Variants in DST observed in about 807,000 individuals in gnomAD.
The protein encoded by DST is bullous pemphigoid antigen.
DST carries 253 observed loss-of-function variants against 875.2 expected under a neutral mutation model. The observed-to-expected ratio is 0.29, with a 90% CI of 0.26 to 0.32. The LOEUF (loss-of-function observed/expected upper bound fraction) is 0.32, where lower values mean the gene tolerates loss of function less well. DST is among the 10% of genes least tolerant of loss of function. DST has a pLI of 1.00. For missense variants in DST, 8,287 were observed against 9,111.6 expected, an observed-to-expected ratio of 0.91 and a Z score of 3.68; for synonymous variants, 3,124 against 3,197.1, an observed-to-expected ratio of 0.98 and a Z score of 0.77.
At chr6:56,733,975 G>A (rs918090258) in intron 5 of DST, among the ~76,000 whole-genome samples, 7 of 152,136 alleles carry the variant, frequency 4.6e-5, no homozygotes, top group African/African-American at 1.7e-4. Flanking sequence ...CAGGGAACAC[G>A]TCCCTAGCCT....
At position 56,610,476 on chromosome 6, in the gene DST, T is replaced by G. The variant is rs540084594; in HGVS notation, c.5234A>C (p.Lys1745Thr). The G allele has an allele frequency of 8.3e-5, 130 of 1,568,848 alleles. 1 individual carries two copies. In the South Asian group the frequency reaches 1.5e-3, roughly 18 times the overall value. The change falls in exon 39 of 104, where the codon AAA becomes ACA. Residue 1745 changes from lysine to threonine, a missense_variant. By Grantham distance (78) the Lys-to-Thr change is moderately conservative. Around this residue, in one of 10 missense-constraint regions of DST, gnomAD observed 3,138 missense variants for 3,116.6 expected, o/e 1.01. Transcript: ENST00000680361. ...SYNLLFSESL[K>T]QLQESQTSGD... ...TGAGGTTTGTGATTCTTGTAGCTGTTTCAGAGATTCACTGAATAATAAATT... is the reference window on the plus strand; with the variant it reads ...TGAGGTTTGTGATTCTTGTAGCTGTGTCAGAGATTCACTGAATAATAAATT...
intron 4 of DST, among the ~76,000 whole-genome samples, chr6:56,755,996 G>A (rs2099601726): frequency 6.6e-6 from 1 of 152,254 alleles, no homozygotes; most frequent in African/African-American, 2.4e-5. Flanking sequence ...TGACAGCAGA[G>A]CCATAGGGCT....
intron 72 of DST, among the ~76,000 whole-genome samples, chr6:56,511,859 G>A (rs1238957574): frequency 6.6e-6 from 1 of 151,962 alleles, no homozygotes; most frequent in African/African-American, 2.4e-5. Context: ...CAAGACGGGG[G>A]GAAGGAGGGA....
chr6:56,787,299 C>CTGTGTCTATT (rs1432556727), intron 4 of DST, among the ~76,000 whole-genome samples: 1 of 152,148 alleles, frequency 6.6e-6, no homozygotes, highest in Non-Finnish European at 1.5e-5. Context: ...AAAAATAAGG[C>CTGTGTCTATT]TGTGTCTATT....
chr6:56,464,236 A>G (rs906314320), intron 100 of DST: 2 of 283,878 alleles, frequency 7.0e-6, no homozygotes, highest in African/African-American at 2.2e-5. Flanking sequence ...GAATATAATT[A>G]CACACAATGA....
chr6:56,578,407 T>C (rs1164306611), intron 50 of DST, among the ~76,000 whole-genome samples: 1 of 152,002 alleles, frequency 6.6e-6, no homozygotes, highest in African/African-American at 2.4e-5. Context: ...ATTAAGCACA[T>C]TTCTCAACCT....
At chr6:56,939,607 C>A (rs17685235) in intron 2 of DST, among the ~76,000 whole-genome samples, 31,294 of 152,180 alleles carry the variant, frequency 0.21, 3,594 homozygotes, top group Middle Eastern at 0.26. Context: ...GGCTTTCCTT[C>A]TAAATTTTCT....
chr6:56,928,012 A>ACTGCTCAG (rs1170890436), intron 2 of DST, among the ~76,000 whole-genome samples: 3 of 152,154 alleles, frequency 2.0e-5, no homozygotes, highest in Non-Finnish European at 4.4e-5. Flanking sequence ...AGAAGGGGGC[A>ACTGCTCAG]CTGCTCAGCT....
chr6:56,728,620 G>A (rs1243340536), intron 5 of DST, among the ~76,000 whole-genome samples: 14 of 152,124 alleles, frequency 9.2e-5, no homozygotes, highest in Non-Finnish European at 2.1e-4. Context: ...AGGTTGCAGT[G>A]AGCTGAGATC....
intron 4 of DST, among the ~76,000 whole-genome samples, chr6:56,753,475 C>G (rs895811518): frequency 2.6e-5 from 4 of 152,186 alleles, no homozygotes; most frequent in African/African-American, 9.7e-5. Context: ...TTTGCATCAT[C>G]TGTAAAATAG....
At chr6:56,468,344 T>C (rs2094696746) in intron 98 of DST, among the ~76,000 whole-genome samples, 1 of 152,192 alleles carries the variant, frequency 6.6e-6, no homozygotes, top group Non-Finnish European at 1.5e-5. Context: ...CAAGATGGCA[T>C]AAAATGTGAC....
intron 69 of DST, among the ~76,000 whole-genome samples, chr6:56,524,538 T>C (rs575606368): frequency 6.6e-6 from 1 of 152,258 alleles, no homozygotes; most frequent in South Asian, 2.1e-4. Context: ...TTACTGCTTG[T>C]GAGACCACAT....
At chr6:56,475,467 T>C (rs1001834539) in intron 92 of DST, among the ~76,000 whole-genome samples, 1 of 150,286 alleles carries the variant, frequency 6.7e-6, no homozygotes, top group African/African-American at 2.5e-5. Context: ...CTTAACCAAC[T>C]GAGCTAACAC....
At chr6:56,944,275 A>G (rs1372012233) in intron 2 of DST, among the ~76,000 whole-genome samples, 4 of 152,164 alleles carry the variant, frequency 2.6e-5, no homozygotes, top group Non-Finnish European at 4.4e-5. Flanking sequence ...CATTCATCCA[A>G]CATTTACTGA....
rs765071728 is a variant in DST at position 56,604,944 on chromosome 6, C to T, written c.9684G>A (p.Lys3228=). The T allele has an allele frequency of 6.2e-7, 1 of 1,612,652 alleles. No individual in the cohort carries two copies. Among genetic ancestry groups the T allele is most frequent in the Non-Finnish European group, 8.5e-7 (1 of 1,179,224 alleles). Residue 3228 remains lysine (K), a synonymous_variant, in exon 40 of 104, where the codon AAG becomes AAA. Transcript: ENST00000680361. Reference sequence around the variant, plus strand: ...GTGAGTCTTTTTGGGTACTAGTGGACTTCTCTTTTGTATTATTAACTCCTA... The same window carrying T: ...GTGAGTCTTTTTGGGTACTAGTGGATTTCTCTTTTGTATTATTAACTCCTA... ...LQLGVNNTKE[K]STSTQKDSPL... is the part of the protein sequence containing the mutation.
At chr6:56,551,677 A>C (rs2097326180) in intron 61 of DST, among the ~76,000 whole-genome samples, 1 of 152,238 alleles carries the variant, frequency 6.6e-6, no homozygotes, top group Non-Finnish European at 1.5e-5. Flanking sequence ...CCTTTGTTTA[A>C]TGAAACAGAT....
At chr6:56,893,562 C>CTTTCTTTTTT (rs1788722317) in intron 3 of DST, among the ~76,000 whole-genome samples, 4 of 35,906 alleles carry the variant, frequency 1.1e-4, no homozygotes, top group Non-Finnish European at 5.1e-5. Context: ...ACTTTTAGTT[C>CTTTCTTTTTT]TTTTTTTTTT....
chr6:56,559,839 T>C (rs1028033568), intron 58 of DST, among the ~76,000 whole-genome samples: 5 of 151,914 alleles, frequency 3.3e-5, no homozygotes, highest in Non-Finnish European at 5.9e-5. Flanking sequence ...AAAAAATTGA[T>C]TGGGGAAGAG....
At chr6:56,624,992 G>A (rs565981132) in intron 35 of DST, among the ~76,000 whole-genome samples, 165 bp downstream of exon 35, 1 of 152,158 alleles carries the variant, frequency 6.6e-6, no homozygotes, top group Admixed American at 6.5e-5. Flanking sequence ...GGTACCAGTT[G>A]CACAATATTG....
Sources: allele counts gnomAD v4.1 joint callset (sites outside exome capture counted in the v4.1 genomes callset), GRCh38; gene constraint gnomAD v4.1.1; regional missense constraint gnomAD v4.1.1; transcripts MANE v1.5; gene names NCBI Gene and HGNC (gene_info 2026-07-23, HGNC 2026-07-21).